Variants in GNG3 observed in about 807,000 individuals in gnomAD.
GNG3 encodes G protein subunit gamma 3.
A neutral mutation model predicts 5.6 loss-of-function variants in GNG3; 4 were observed. The ratio of observed to expected loss-of-function variants is 0.71; its 90% CI spans 0.35 to 1.63. The LOEUF (loss-of-function observed/expected upper bound fraction) is 1.63. Ranked by LOEUF, GNG3 falls within the 40% of genes most tolerant of loss-of-function variation. GNG3 has a pLI of 0.05. For synonymous variants in GNG3, 30 were observed against 33.5 expected, an observed-to-expected ratio of 0.89 and a Z score of 0.36; for missense variants, 62 against 96.6, an observed-to-expected ratio of 0.64 and a Z score of 1.50.
chr11:62,708,347 A>T lies in GNG3; in HGVS notation c.52A>T (p.Lys18Ter). 6.2e-7 allele frequency: 1 copy of T among 1,613,920 alleles called. No homozygotes were observed. The highest frequency in any genetic ancestry group is 8.5e-7 in the Non-Finnish European group (1 of 1,179,780). ...CACTATGAGTATTGGGCAAGCACGC[A>T]AGATGGTGGAACAGCTTAAGATTGA... is the stretch of plus-strand genomic sequence containing the variant. The part of the protein sequence containing the change: ...NSTMSIGQAR[K>*]MVEQLKIEAS... Residue 18 changes from lysine to a stop codon, truncating the protein, a stop_gained, in exon 2 of 3, where the codon AAG becomes TAG. Transcript: ENST00000294117. LOFTEE classifies it high-confidence loss of function.
intron 1 of GNG3, 35 bp downstream of exon 1, chr11:62,707,950 C>T (rs769626608): frequency 2.1e-5 from 7 of 329,846 alleles, no homozygotes; most frequent in Non-Finnish European, 4.0e-5. Flanking sequence ...TGTTGGGGCT[C>T]ACTGGAGCAG....
chr11:62,706,782 G>T, upstream of GNG3: 1 of 563,224 alleles, frequency 1.8e-6, no homozygotes, highest in Non-Finnish European at 3.4e-6. Context: ...TTGTTGCGCA[G>T]GCAGATTAGT....
intron 2 of GNG3, 83 bp downstream of exon 2, chr11:62,708,477 G>C (rs749487122): frequency 8.0e-7 from 1 of 1,249,514 alleles, no homozygotes. Flanking sequence ...TAAGAGATGC[G>C]TTCTTTCCTT....
At chr11:62,708,594 G>A (rs911718391) in intron 2 of GNG3, 84 bp from the exon 3 acceptor site, 19 of 1,573,016 alleles carry the variant, frequency 1.2e-5, no homozygotes, top group Non-Finnish European at 1.4e-5. Flanking sequence ...CCTGGAGATG[G>A]CAAAAGAGAA....
intron 1 of GNG3, 74 bp downstream of exon 1, chr11:62,707,989 G>A (rs1047385003): frequency 1.9e-5 from 8 of 410,494 alleles, no homozygotes; most frequent in African/African-American, 1.0e-4. Flanking sequence ...CCTCATCAGG[G>A]TTGGTTGAGG....
chr11:62,706,685 C>T (rs976551220), upstream of GNG3: 4 of 479,890 alleles, frequency 8.3e-6, no homozygotes, highest in African/African-American at 5.9e-5. Context: ...ATTTTTATCG[C>T]CCACAGCTCC....
In GNG3 at chr11:62,709,176, G is replaced by T; in HGVS notation, c.*370G>T. On this transcript the variant is annotated 3_prime_UTR_variant, in exon 3 of 3. Coordinates refer to ENST00000294117, the MANE Select transcript of GNG3 (RefSeq NM_012202.5). Reference sequence around the variant, plus strand: ...AGCTACTGGGAGGGTAAAGCCATTTGAAGAATAAAGTCATCCAGAGCCTCA... The same window carrying T: ...AGCTACTGGGAGGGTAAAGCCATTTTAAGAATAAAGTCATCCAGAGCCTCA... 2.2e-6 allele frequency: 1 copy of T among 461,872 alleles called. No homozygotes were observed. Among genetic ancestry groups the T allele is most frequent in the South Asian group, 1.5e-5 (1 of 64,530 alleles). The allele number at this position is 461,872 out of a possible 1,614,324, so 28.6% of individuals were successfully genotyped here.
upstream of GNG3, chr11:62,707,501 G>A (rs545513606): frequency 1.4e-5 from 9 of 638,178 alleles, no homozygotes; most frequent in Non-Finnish European, 2.3e-5. Flanking sequence ...TTTGAGAGGG[G>A]GAGTCGGCCT....
upstream of GNG3, chr11:62,706,491 G>C (rs2083540949): frequency 2.5e-6 from 1 of 402,792 alleles, no homozygotes; most frequent in African/African-American, 2.1e-5. Flanking sequence ...TCCGGTTACC[G>C]TGACCAAAGG....
At position 62,709,071 on chromosome 11, in the gene GNG3, G is replaced by C. The variant is rs1245511252; in HGVS notation, c.*265G>C. ...CAGGGCCCCGTCAGACTCTGCCAGCGCGTCCTGCCCGCTTCCCTCGGTGAC... is the reference window on the plus strand; with the variant it reads ...CAGGGCCCCGTCAGACTCTGCCAGCCCGTCCTGCCCGCTTCCCTCGGTGAC... On this transcript the variant is annotated 3_prime_UTR_variant, in exon 3 of 3. Coordinates refer to ENST00000294117, the MANE Select transcript of GNG3 (RefSeq NM_012202.5). 2 of 494,550 alleles carry C rather than the reference G, an allele frequency of 4.0e-6. No individual in the cohort carries two copies. The highest frequency in any genetic ancestry group is 3.9e-5 in the African/African-American group (2 of 51,528). The allele number at this position is 494,550 out of a possible 1,614,324, so 30.6% of individuals were successfully genotyped here. A position where few individuals can be genotyped will look rare whatever the true frequency, so the allele number is the denominator to read the frequency against.
At chr11:62,706,789 T>C (rs1268029625), upstream of GNG3, 1 of 568,652 alleles carries the variant, frequency 1.8e-6, no homozygotes, top group African/African-American at 1.9e-5. Context: ...GCAGGCAGAT[T>C]AGTGCCCTGT....
At position 62,708,736 on chromosome 11, in the gene GNG3, C is replaced by T. The variant is rs2083585004; in HGVS notation, c.158C>T (p.Pro53Leu). 6.2e-7 allele frequency: 1 copy of T among 1,614,006 alleles called. No homozygotes were observed. Among genetic ancestry groups the T allele is most frequent in the Non-Finnish European group, 8.5e-7 (1 of 1,179,892 alleles). Residue 53 changes from proline (P) to leucine (L), a missense_variant, in exon 3 of 3, where the codon CCC becomes CTC. Physicochemically the swap from Pro to Leu is moderately conservative, Grantham distance 98. Transcript: ENST00000294117. The part of the protein sequence containing the change: ...TYCDAHACED[P>L]LITPVPTSEN... The stretch of plus-strand genomic sequence containing the variant: ...TGTGATGCCCACGCCTGTGAGGATC[C>T]CCTCATCACCCCTGTGCCCACTTCG...
At chr11:62,706,823 C>A (rs1215635018), upstream of GNG3, 9 of 587,326 alleles carry the variant, frequency 1.5e-5, no homozygotes, top group Non-Finnish European at 1.6e-5. Context: ...GCATTGTGGA[C>A]CTCCTCTGAC....
chr11:62,709,164 G>A lies in GNG3; in HGVS notation c.*358G>A. Reference sequence around the variant, plus strand: ...AGTCTCACCTGGAGCTACTGGGAGGGTAAAGCCATTTGAAGAATAAAGTCA... The same window carrying A: ...AGTCTCACCTGGAGCTACTGGGAGGATAAAGCCATTTGAAGAATAAAGTCA... On this transcript the variant is annotated 3_prime_UTR_variant, in exon 3 of 3. Coordinates refer to ENST00000294117, the MANE Select transcript of GNG3 (RefSeq NM_012202.5). The A allele has an allele frequency of 4.3e-6, 2 of 467,524 alleles. No homozygotes were observed. The highest frequency in any genetic ancestry group is 1.5e-5 in the South Asian group (1 of 64,570). The allele number at this position is 467,524 out of a possible 1,614,324, so 29.0% of individuals were successfully genotyped here.
chr11:62,708,403 G>A lies in GNG3; in HGVS notation c.99+9G>A. 1 of 1,593,894 alleles carries A rather than the reference G, an allele frequency of 6.3e-7. No individual in the cohort carries two copies. Among genetic ancestry groups the A allele is most frequent in the Non-Finnish European group, 8.6e-7 (1 of 1,161,800 alleles). On this transcript the variant is annotated intron_variant, in intron 2 of 2. Coordinates refer to ENST00000294117, the MANE Select transcript of GNG3 (RefSeq NM_012202.5). Reference sequence around the variant, plus strand: ...GCTTGTGTCGGATAAAGGTAGGTGGGACCCTGGCTGGCTCCCATTAGTTGG... The same window carrying A: ...GCTTGTGTCGGATAAAGGTAGGTGGAACCCTGGCTGGCTCCCATTAGTTGG...
rs962681633 is a variant in GNG3 at position 62,708,895 on chromosome 11, T to C, written c.*89T>C. The C allele has an allele frequency of 9.4e-5, 91 of 967,474 alleles. No individual in the cohort carries two copies. The highest frequency in any genetic ancestry group is 2.2e-4 in the Middle Eastern group (1 of 4,638). 59.9% of individuals were successfully genotyped at this position (967,474 alleles called of 1,614,324 possible). On this transcript the variant is annotated 3_prime_UTR_variant, in exon 3 of 3. Transcript: ENST00000294117. Reference sequence around the variant, plus strand: ...AATTGTTGTGAGCCCCTTAGGCTCCTTGCATCCCATCCCTAACCCTTGCCT... The same window carrying C: ...AATTGTTGTGAGCCCCTTAGGCTCCCTGCATCCCATCCCTAACCCTTGCCT...
chr11:62,708,873 T>A lies in GNG3; in HGVS notation c.*67T>A, dbSNP rs1206861982. ...CTGGGCCCTTCCTTAGGTCAGTAAT[T>A]GTTGTGAGCCCCTTAGGCTCCTTGC... On this transcript the variant is annotated 3_prime_UTR_variant, in exon 3 of 3. Transcript: ENST00000294117. 8.0e-7 allele frequency: 1 copy of A among 1,247,208 alleles called. No individual in the cohort carries two copies. Among genetic ancestry groups the A allele is most frequent in the African/African-American group, 1.5e-5 (1 of 67,580 alleles). The allele number at this position is 1,247,208 out of a possible 1,614,324, so 77.3% of individuals were successfully genotyped here. A position where few individuals can be genotyped will look rare whatever the true frequency, so the allele number is the denominator to read the frequency against.
At chr11:62,707,564 TGGGGGA>T (rs1046751454), upstream of GNG3, 1 of 587,058 alleles carries the variant, frequency 1.7e-6, no homozygotes, top group African/African-American at 1.9e-5. Context: ...ATGCCTGCAA[TGGGGGA>T]GGGGCAGGCA....
At chr11:62,708,130 A>G (rs966916504) in intron 1 of GNG3, 165 bp from the exon 2 acceptor site, 1 of 627,092 alleles carries the variant, frequency 1.6e-6, no homozygotes, top group Non-Finnish European at 2.9e-6. Flanking sequence ...ATTTTTTTCC[A>G]TGAGGAATAC....
Sources: allele counts gnomAD v4.1 joint callset, GRCh38; gene constraint gnomAD v4.1.1; transcripts MANE v1.5; gene names NCBI Gene and HGNC (gene_info 2026-07-23, HGNC 2026-07-21).